UNC5C: variants seen among roughly 807,000 people sequenced by gnomAD.
The protein encoded by UNC5C is unc-5 netrin receptor C.
UNC5C carries 47 observed loss-of-function variants against 99.8 expected under a neutral mutation model. That is an observed-to-expected ratio of 0.47 (90% confidence interval 0.37 to 0.60). The LOEUF (loss-of-function observed/expected upper bound fraction) is 0.60, where lower values mean the gene tolerates loss of function less well. Among genes scored for constraint, UNC5C ranks in the 20% least tolerant of loss-of-function variants. The pLI, the probability that UNC5C is intolerant of heterozygous loss-of-function variation, is 0.00. For synonymous variants in UNC5C, 487 were observed against 452.2 expected (o/e 1.08, Z -0.98); for missense variants, 1,062 against 1,165.9 (o/e 0.91, Z 1.30).
At chr4:95,293,245 G>A (rs559743468) in intron 3 of UNC5C, among the ~76,000 whole-genome samples, 2 of 151,344 alleles carry the variant, frequency 1.3e-5, no homozygotes, top group South Asian at 2.1e-4. Flanking sequence ...TAAGAAGAGA[G>A]GCAGGAAGCC....
intron 1 of UNC5C, among the ~76,000 whole-genome samples, chr4:95,374,597 C>A (rs1744839024): frequency 6.6e-6 from 1 of 152,084 alleles, no homozygotes; most frequent in Non-Finnish European, 1.5e-5. Context: ...GGAAAGCAAG[C>A]TAGAGCCATT....
chr4:95,383,262 TACACACACACAC>T (rs35068196), intron 1 of UNC5C, among the ~76,000 whole-genome samples: 50,646 of 150,852 alleles, frequency 0.34, 8,733 homozygotes, highest in Middle Eastern at 0.42. Flanking sequence ...TGTGTGTGTT[TACACACACACAC>T]ACACACACAC....
intron 4 of UNC5C, among the ~76,000 whole-genome samples, chr4:95,252,803 G>A (rs1367996253): frequency 6.6e-6 from 1 of 152,158 alleles, no homozygotes; most frequent in African/African-American, 2.4e-5. Flanking sequence ...ATCCCCAAGG[G>A]AATGACGGTG....
At chr4:95,273,569 T>C (rs1027032821) in intron 4 of UNC5C, among the ~76,000 whole-genome samples, 3 of 152,004 alleles carry the variant, frequency 2.0e-5, no homozygotes, top group Non-Finnish European at 4.4e-5. Flanking sequence ...TTCAGGGAGA[T>C]GGGGGGAAGG....
chr4:95,247,744 C>A (rs959896495), intron 5 of UNC5C, among the ~76,000 whole-genome samples: 3 of 152,188 alleles, frequency 2.0e-5, no homozygotes, highest in African/African-American at 7.2e-5. Flanking sequence ...CTAAAGACAA[C>A]ACATTCATTG....
chr4:95,286,857 G>A (rs1741255098), intron 3 of UNC5C, among the ~76,000 whole-genome samples: 1 of 152,116 alleles, frequency 6.6e-6, no homozygotes, highest in Non-Finnish European at 1.5e-5. Context: ...TTGGTAATAT[G>A]GAGTTTTATG....
At chr4:95,362,380 T>C (rs1744421879) in intron 1 of UNC5C, among the ~76,000 whole-genome samples, 1 of 152,138 alleles carries the variant, frequency 6.6e-6, no homozygotes, top group Non-Finnish European at 1.5e-5. Context: ...GCTGAAAGAC[T>C]GGCTGTTAGT....
chr4:95,321,373 C>T (rs2626033), intron 2 of UNC5C, among the ~76,000 whole-genome samples: 58,588 of 151,906 alleles, frequency 0.39, 11,765 homozygotes, highest in African/African-American at 0.49. Context: ...TTTTGTAAGT[C>T]AGAAAAAGAA....
At chr4:95,287,757 T>C (rs562562793) in intron 3 of UNC5C, among the ~76,000 whole-genome samples, 2 of 152,246 alleles carry the variant, frequency 1.3e-5, no homozygotes, top group African/African-American at 4.8e-5. Context: ...TGATATGCAA[T>C]GTGCCTGCAC....
chr4:95,510,904 G>T (rs558387765), intron 1 of UNC5C, among the ~76,000 whole-genome samples: 1 of 152,118 alleles, frequency 6.6e-6, no homozygotes, highest in South Asian at 2.1e-4. Context: ...CACATATGAA[G>T]AAAAAAGTGG....
intron 10 of UNC5C, 84 bp downstream of exon 10, chr4:95,216,040 A>G (rs1738236650): frequency 8.4e-7 from 1 of 1,184,936 alleles, no homozygotes; most frequent in Non-Finnish European, 1.2e-6. Flanking sequence ...AGACAAAAAT[A>G]TGTTGGGTTT....
chr4:95,478,366 C>G (rs1193185040), intron 1 of UNC5C, among the ~76,000 whole-genome samples: 1 of 151,976 alleles, frequency 6.6e-6, no homozygotes, highest in Non-Finnish European at 1.5e-5. Context: ...GCCACTTTCT[C>G]CAAGACTACT....
chr4:95,246,710 G>A (rs1739514750), intron 5 of UNC5C, among the ~76,000 whole-genome samples: 1 of 151,792 alleles, frequency 6.6e-6, no homozygotes, highest in East Asian at 1.9e-4. Flanking sequence ...TATAAAAGAT[G>A]TATAATATAA....
chr4:95,466,609 A>T (rs1747787741), intron 1 of UNC5C, among the ~76,000 whole-genome samples: 5 of 152,036 alleles, frequency 3.3e-5, no homozygotes, highest in Admixed American at 3.3e-4. Flanking sequence ...TTAATGCTAT[A>T]GTTGTTCAGT....
intron 1 of UNC5C, among the ~76,000 whole-genome samples, chr4:95,383,599 T>C (rs1319637692): frequency 6.6e-6 from 1 of 152,198 alleles, no homozygotes; most frequent in African/African-American, 2.4e-5. Flanking sequence ...CATGTATGTA[T>C]AAATACCCAA....
chr4:95,251,999 G>C (rs909589201), intron 4 of UNC5C, among the ~76,000 whole-genome samples: 1 of 152,100 alleles, frequency 6.6e-6, no homozygotes, highest in African/African-American at 2.4e-5. Flanking sequence ...TTGCACTCAG[G>C]GTAGTGAGAA....
At position 95,163,444 on chromosome 4, in the gene UNC5C, T is replaced by G. The variant is rs1579186445; in HGVS notation, c.*5790A>C. The G allele has an allele frequency of 6.6e-6, 1 of 152,156 alleles. No individual in the cohort carries two copies. The highest frequency in any genetic ancestry group is 1.5e-5 in the Non-Finnish European group (1 of 68,048). The allele number at this position is 152,156 out of a possible 1,614,324, so 9.4% of individuals were successfully genotyped here. On this transcript the variant is annotated 3_prime_UTR_variant, in exon 16 of 16. Coordinates refer to ENST00000453304, the MANE Select transcript of UNC5C (RefSeq NM_003728.4). ...AGGCCAAAAGAGAGCCCATCAATCC[T>G]TAGGCTGCTGATCAGCAAAACCTGC... is the stretch of plus-strand genomic sequence containing the variant.
intron 1 of UNC5C, among the ~76,000 whole-genome samples, chr4:95,399,939 C>T (rs2149448035): frequency 6.6e-6 from 1 of 152,272 alleles, no homozygotes; most frequent in African/African-American, 2.4e-5. Context: ...ACTGCATCTC[C>T]ACTGTTTACC....
chr4:95,361,355 T>C (rs918870138), intron 1 of UNC5C, among the ~76,000 whole-genome samples: 1 of 152,232 alleles, frequency 6.6e-6, no homozygotes, highest in Non-Finnish European at 1.5e-5. Context: ...CTCTCTCTTC[T>C]TCTGCATGCG....
Sources: allele counts gnomAD v4.1 joint callset (sites outside exome capture counted in the v4.1 genomes callset), GRCh38; gene constraint gnomAD v4.1.1; transcripts MANE v1.5; gene names NCBI Gene and HGNC (gene_info 2026-07-23, HGNC 2026-07-21).